Variants in CSMD1 observed in about 807,000 individuals in gnomAD.
The protein encoded by CSMD1 is CUB and sushi domain-containing protein 1.
A neutral mutation model predicts 417.5 loss-of-function variants in CSMD1; 213 were observed. The observed-to-expected ratio is 0.51, with a 90% CI of 0.46 to 0.57. CSMD1 has a LOEUF of 0.57. Ranked by LOEUF, CSMD1 falls within the 20% of genes least tolerant of loss-of-function variation. The pLI is 0.00. For missense variants in CSMD1, 6,923 were observed against 4,529.7 expected (o/e 1.53, Z -15.17); for synonymous variants, 2,862 against 1,736.8 (o/e 1.65, Z -16.11).
At chr8:3,137,625 T>C (rs577946446) in intron 41 of CSMD1, among the ~76,000 whole-genome samples, 1 of 152,244 alleles carries the variant, frequency 6.6e-6, no homozygotes, top group East Asian at 1.9e-4. Flanking sequence ...TCATAAAATC[T>C]AAGCACACTC....
intron 3 of CSMD1, among the ~76,000 whole-genome samples, chr8:4,338,579 C>G (rs1800303773): frequency 6.6e-6 from 1 of 152,086 alleles, no homozygotes; most frequent in South Asian, 2.1e-4. Flanking sequence ...GATAACACCT[C>G]TGACATACTC....
At chr8:4,980,923 T>A (rs1328540354) in intron 1 of CSMD1, among the ~76,000 whole-genome samples, 6 of 152,174 alleles carry the variant, frequency 3.9e-5, no homozygotes, top group Middle Eastern at 6.8e-3. Flanking sequence ...AAACTTATTA[T>A]CTATCTGTAC....
chr8:4,068,441 G>A (rs751453530), intron 3 of CSMD1, among the ~76,000 whole-genome samples: 8 of 152,136 alleles, frequency 5.3e-5, no homozygotes, highest in Non-Finnish European at 1.2e-4. Context: ...AAAATTAAAT[G>A]TATATTTTTA....
At position 3,433,198 on chromosome 8, in the gene CSMD1, A is replaced by G. The variant is rs568510503; in HGVS notation, c.1562-23593T>C. Among the ~76,000 whole-genome samples the G allele has an allele frequency of 2.8e-4, 42 of 152,330 alleles. No individual in the cohort carries two copies. The South Asian group carries it at 8.5e-3, about 31-fold the overall frequency. On this transcript the variant is annotated intron_variant, in intron 12 of 69. Coordinates refer to ENST00000635120, the MANE Select transcript of CSMD1 (RefSeq NM_033225.6). ...AAATAGAAATAAACTTTATTAGACAACTTTTGTGGAACTACAGTTGTTGAC... is the reference window on the plus strand; with the variant it reads ...AAATAGAAATAAACTTTATTAGACAGCTTTTGTGGAACTACAGTTGTTGAC...
chr8:4,914,965 C>A (rs982443277), intron 1 of CSMD1, among the ~76,000 whole-genome samples: 5 of 152,116 alleles, frequency 3.3e-5, no homozygotes, highest in Non-Finnish European at 5.9e-5. Context: ...GAAACGCATT[C>A]CGTTTCATGT....
At chr8:3,258,395 A>G (rs998038460) in intron 26 of CSMD1, among the ~76,000 whole-genome samples, 3 of 152,188 alleles carry the variant, frequency 2.0e-5, no homozygotes, top group Admixed American at 1.3e-4. Context: ...AAAATGAGAT[A>G]CCATCTCACA....
chr8:4,602,694 A>T (rs768948447), intron 2 of CSMD1, among the ~76,000 whole-genome samples: 7 of 152,184 alleles, frequency 4.6e-5, no homozygotes, highest in Non-Finnish European at 1.0e-4. Flanking sequence ...TAATTGTCTT[A>T]AGATCTTCAT....
At chr8:3,775,959 T>C (rs1563068191) in intron 5 of CSMD1, among the ~76,000 whole-genome samples, 1 of 152,210 alleles carries the variant, frequency 6.6e-6, no homozygotes, top group Non-Finnish European at 1.5e-5. Flanking sequence ...TGATGCCAAA[T>C]TCATGTCATC....
At chr8:4,557,842 CAG>C (rs899502778) in intron 2 of CSMD1, among the ~76,000 whole-genome samples, 29 of 152,148 alleles carry the variant, frequency 1.9e-4, no homozygotes, top group Non-Finnish European at 3.5e-4. Context: ...AGCTCTACAT[CAG>C]AGTCACACTC....
At chr8:4,086,516 C>G (rs570729688) in intron 3 of CSMD1, among the ~76,000 whole-genome samples, 1 of 152,330 alleles carries the variant, frequency 6.6e-6, no homozygotes, top group Non-Finnish European at 1.5e-5. Flanking sequence ...ACAAAAGTGA[C>G]TGGTCAACTC....
chr8:3,284,121 A>G (rs1199577845), intron 26 of CSMD1, 23 bp downstream of exon 26: 6 of 1,537,256 alleles, frequency 3.9e-6, no homozygotes, highest in Non-Finnish European at 8.8e-7. Context: ...CAAGGTAAAG[A>G]AGAAGCACGC....
chr8:4,585,800 T>G (rs1427144143), intron 2 of CSMD1, among the ~76,000 whole-genome samples: 1 of 152,158 alleles, frequency 6.6e-6, no homozygotes, highest in African/African-American at 2.4e-5. Flanking sequence ...TAAGTTAAAT[T>G]AAATCTGAGT....
At chr8:4,496,502 G>A (rs1006036734) in intron 2 of CSMD1, among the ~76,000 whole-genome samples, 3 of 152,160 alleles carry the variant, frequency 2.0e-5, no homozygotes, top group African/African-American at 2.4e-5. Flanking sequence ...CTTGTAAGTC[G>A]GGTAATATAC....
chr8:4,184,092 T>C (rs981564154), intron 3 of CSMD1, among the ~76,000 whole-genome samples: 1 of 152,240 alleles, frequency 6.6e-6, no homozygotes, highest in South Asian at 2.1e-4. Flanking sequence ...CTCTGAAAAC[T>C]ACATTTTAGG....
chr8:3,293,698 G>T (rs979087159), intron 25 of CSMD1, among the ~76,000 whole-genome samples: 3 of 152,092 alleles, frequency 2.0e-5, no homozygotes, highest in African/African-American at 7.2e-5. Context: ...AAGGACTTCT[G>T]TGCATTGGTT....
rs1798348887 is a variant in CSMD1, at chr8:3,223,919, T to C, written c.4346-52A>G. 3 of 1,588,282 alleles carry C rather than the reference T, an allele frequency of 1.9e-6. No individual in the cohort carries two copies. The South Asian group carries it at 3.4e-5, about 18-fold the overall frequency. ...AAAAGTAAGGACAGCGAAGAACGCC[T>C]GCCAGTCAGTGTGGAAGGAGACACC... On this transcript the variant is annotated intron_variant, in intron 27 of 69. Transcript: ENST00000635120.
intron 2 of CSMD1, among the ~76,000 whole-genome samples, chr8:4,433,829 GA>G (rs1275687546): frequency 2.0e-5 from 3 of 147,856 alleles, no homozygotes; most frequent in Admixed American, 7.0e-5. Flanking sequence ...AATGAATCTG[GA>G]AAAAAAGGGA....
intron 10 of CSMD1, among the ~76,000 whole-genome samples, chr8:3,551,926 G>T (rs11986126): frequency 0.049 from 7,518 of 152,226 alleles, 560 homozygotes; most frequent in African/African-American, 0.16. Flanking sequence ...TCCAGACGTG[G>T]TTTTAGCTAC....
chr8:2,948,199 T>C (rs948975111), intron 68 of CSMD1, among the ~76,000 whole-genome samples: 4 of 152,098 alleles, frequency 2.6e-5, no homozygotes, highest in African/African-American at 9.7e-5. Context: ...GCAACAATTA[T>C]AACGACTTTT....
Sources: gnomAD v4.1 joint callset for allele counts (sites outside exome capture counted in the v4.1 genomes callset) on GRCh38, gnomAD v4.1.1 for gene constraint, MANE v1.5 for transcripts, NCBI Gene and HGNC (gene_info 2026-07-23, HGNC 2026-07-21) for gene names.